Variants in CD109 observed in about 807,000 individuals in gnomAD.
The protein encoded by CD109 is CD109 antigen.
A neutral mutation model predicts 165.8 loss-of-function variants in CD109; 149 were observed. The observed-to-expected ratio is 0.90, with a 90% CI of 0.79 to 1.03. The LOEUF (loss-of-function observed/expected upper bound fraction) is 1.03, where lower values mean the gene tolerates loss of function less well. CD109 is among the 50% of genes least tolerant of loss of function. The pLI, the probability that CD109 is intolerant of heterozygous loss-of-function variation, is 0.00. For synonymous variants in CD109, 585 were observed against 592.1 expected, an observed-to-expected ratio of 0.99 and a Z score of 0.18; for missense variants, 1,712 against 1,677.8, an observed-to-expected ratio of 1.02 and a Z score of -0.36.
At chr6:73,736,303 A>G in intron 4 of CD109, 80 bp from the exon 5 acceptor site, 1 of 1,448,974 alleles carries the variant, frequency 6.9e-7, no homozygotes. Context: ...GGAATGCTGC[A>G]AGGCATTATT....
At chr6:73,786,205 A>G (rs1363117323) in intron 20 of CD109, among the ~76,000 whole-genome samples, 1 of 152,128 alleles carries the variant, frequency 6.6e-6, no homozygotes, top group East Asian at 1.9e-4. Flanking sequence ...CGTACCTTGT[A>G]TCTCCTTAGC....
chr6:73,786,515 G>C (rs2150257831), intron 20 of CD109, among the ~76,000 whole-genome samples: 1 of 152,014 alleles, frequency 6.6e-6, no homozygotes, highest in African/African-American at 2.4e-5. Flanking sequence ...ACAAGCAAAA[G>C]ATCTAGAGTC....
At chr6:73,723,747 A>T (rs1323180430) in intron 3 of CD109, among the ~76,000 whole-genome samples, 1 of 152,124 alleles carries the variant, frequency 6.6e-6, no homozygotes, top group Non-Finnish European at 1.5e-5. Flanking sequence ...ACTGGAGGGT[A>T]GAGGGAGGGA....
intron 30 of CD109, among the ~76,000 whole-genome samples, chr6:73,816,788 G>A (rs1256885342): frequency 1.3e-5 from 2 of 152,194 alleles, no homozygotes; most frequent in African/African-American, 2.4e-5. Context: ...AGACCCTCAT[G>A]GAGTTAAGAG....
chr6:73,799,092 T>C (rs1775274835), intron 23 of CD109, among the ~76,000 whole-genome samples: 1 of 152,232 alleles, frequency 6.6e-6, no homozygotes, highest in South Asian at 2.1e-4. Context: ...GAGAATGTCC[T>C]GGACTCTCTT....
At chr6:73,713,940 T>C (rs1203394004) in intron 2 of CD109, among the ~76,000 whole-genome samples, 1 of 152,162 alleles carries the variant, frequency 6.6e-6, no homozygotes, top group African/African-American at 2.4e-5. Context: ...TCTTCATCTT[T>C]GTAAATTTGC....
Position 73,787,308 on chromosome 6 carries a change from C to A in CD109, c.2412C>A (p.His804Gln). ...CAAATGAAATAAATGCCACAGGCCACCAGCAGACCCTTCTGGTTCCCAGTG... is the reference window on the plus strand; with the variant it reads ...CAAATGAAATAAATGCCACAGGCCAACAGCAGACCCTTCTGGTTCCCAGTG... ...MTSNEINATG[H>Q]QQTLLVPSED... Residue 804 changes from histidine to glutamine, a missense_variant, in exon 21 of 33, where the codon CAC becomes CAA. Physicochemically the swap from His to Gln is conservative, Grantham distance 24. Coordinates refer to ENST00000287097, the MANE Select transcript of CD109 (RefSeq NM_133493.5). The A allele has an allele frequency of 6.2e-7, 1 of 1,614,000 alleles. No homozygotes were observed. Among genetic ancestry groups the A allele is most frequent in the Non-Finnish European group, 8.5e-7 (1 of 1,179,920 alleles).
chr6:73,818,630 G>A, intron 31 of CD109, 95 bp downstream of exon 31: 1 of 1,202,382 alleles, frequency 8.3e-7, no homozygotes. Context: ...TTAATTCATT[G>A]TTATTTCAAC....
At chr6:73,756,724 T>A in intron 6 of CD109, 42 bp downstream of exon 6, 1 of 1,374,814 alleles carries the variant, frequency 7.3e-7, no homozygotes, top group Non-Finnish European at 1.0e-6. Flanking sequence ...AAAACATTTG[T>A]TACTTTCAGC....
chr6:73,725,609 A>G (rs1021538855), intron 3 of CD109, among the ~76,000 whole-genome samples: 2 of 149,006 alleles, frequency 1.3e-5, no homozygotes, highest in Non-Finnish European at 3.0e-5. Context: ...CCCGGATTCA[A>G]GAGATTCTCC....
intron 2 of CD109, among the ~76,000 whole-genome samples, chr6:73,704,179 CAAAA>C (rs58505053): frequency 3.8e-5 from 3 of 79,246 alleles, no homozygotes; most frequent in African/African-American, 4.3e-5. Context: ...GACTCCATCT[CAAAA>C]AAAAAAAAAA....
intron 15 of CD109, among the ~76,000 whole-genome samples, chr6:73,775,238 T>C (rs1055745628): frequency 1.3e-5 from 2 of 152,028 alleles, no homozygotes; most frequent in African/African-American, 4.8e-5. Context: ...ATACATGAGG[T>C]TATGGAATAC....
intron 30 of CD109, among the ~76,000 whole-genome samples, chr6:73,816,166 A>G (rs1273532199): frequency 6.6e-6 from 1 of 152,106 alleles, no homozygotes; most frequent in Non-Finnish European, 1.5e-5. Context: ...AATGTCCCAC[A>G]TTTGTCCCAT....
At chr6:73,711,246 C>CA (rs947151831) in intron 2 of CD109, among the ~76,000 whole-genome samples, 19 of 146,594 alleles carry the variant, frequency 1.3e-4, no homozygotes, top group African/African-American at 4.5e-4. Flanking sequence ...GTTTGACCTG[C>CA]TTTTTTTTTT....
chr6:73,724,613 ATTT>A (rs11386114), intron 3 of CD109, among the ~76,000 whole-genome samples: 5 of 135,112 alleles, frequency 3.7e-5, no homozygotes, highest in Non-Finnish European at 4.8e-5. Flanking sequence ...ATTACCTTAA[ATTT>A]TTTTTTTTTT....
At position 73,823,379 on chromosome 6, in the gene CD109, G is replaced by A. The variant is rs911166672; in HGVS notation, c.4163-79G>A. The A allele has an allele frequency of 4.7e-6, 5 of 1,069,634 alleles. No individual in the cohort carries two copies. In the African/African-American group the frequency reaches 4.7e-5, roughly 10 times the overall value. 66.3% of individuals were successfully genotyped at this position (1,069,634 alleles called of 1,614,324 possible). On this transcript the variant is annotated intron_variant, in intron 32 of 32. Transcript: ENST00000287097. Reference sequence around the variant, plus strand: ...AATGGAAAACTCAGAAAAGTGTATCGAAATGCTCTTATATTTTGGCAAAGT... The same window carrying A: ...AATGGAAAACTCAGAAAAGTGTATCAAAATGCTCTTATATTTTGGCAAAGT...
At chr6:73,765,188 G>A (rs771747250) in intron 10 of CD109, among the ~76,000 whole-genome samples, 1 of 151,890 alleles carries the variant, frequency 6.6e-6, no homozygotes, top group African/African-American at 2.4e-5. Flanking sequence ...TGGCAATTTC[G>A]GGGTGCACTC....
rs1773728428 is a variant in CD109 at position 73,763,698 on chromosome 6, A to C, written c.1107+13A>C. ...CTTCACAGCCACTGTAAGTTGGTATATTTATTTCCAGTCCATAGCAGTAAG... is the reference window on the plus strand; with the variant it reads ...CTTCACAGCCACTGTAAGTTGGTATCTTTATTTCCAGTCCATAGCAGTAAG... On this transcript the variant is annotated intron_variant, in intron 10 of 32. Transcript: ENST00000287097. 9.6e-6 allele frequency: 13 copies of C among 1,354,754 alleles called. No individual in the cohort carries two copies. The highest frequency in any genetic ancestry group is 1.3e-5 in the Non-Finnish European group (12 of 959,938). 83.9% of individuals were successfully genotyped at this position (1,354,754 alleles called of 1,614,324 possible). A position where few individuals can be genotyped will look rare whatever the true frequency, so the allele number is the denominator to read the frequency against.
intron 1 of CD109, 96 bp from the exon 2 acceptor site, chr6:73,697,304 A>G: frequency 9.2e-7 from 1 of 1,088,462 alleles, no homozygotes. Flanking sequence ...TTGGCGCAGT[A>G]TGGAGTGCCT....
Sources: gnomAD v4.1 joint callset for allele counts (sites outside exome capture counted in the v4.1 genomes callset) on GRCh38, gnomAD v4.1.1 for gene constraint, MANE v1.5 for transcripts, NCBI Gene and HGNC (gene_info 2026-07-23, HGNC 2026-07-21) for gene names.